Variants in ADAMTS17 observed in about 807,000 individuals in gnomAD.
The protein encoded by ADAMTS17 is ADAM metallopeptidase with thrombospondin type 1 motif 17, also known as A disintegrin and metalloproteinase with thrombospondin motifs 17.
In ADAMTS17, 113 loss-of-function variants were observed where a neutral mutation model predicts 141.5. That is an observed-to-expected ratio of 0.80 (90% CI 0.69 to 0.93). ADAMTS17 has a LOEUF of 0.93. Among genes scored for constraint, ADAMTS17 ranks in the 40% least tolerant of loss-of-function variants. The probability of loss-of-function intolerance (pLI) is 0.00; values close to 1 mark genes in which losing one functional copy is unlikely to be tolerated. For missense variants in ADAMTS17, 1,659 were observed against 1,517.9 expected, an observed-to-expected ratio of 1.09 and a Z score of -1.54; for synonymous variants, 768 against 630.6, an observed-to-expected ratio of 1.22 and a Z score of -3.27.
chr15:100,209,078 T>C, intron 7 of ADAMTS17, among the ~76,000 whole-genome samples: 1 of 114,428 alleles, frequency 8.7e-6, no homozygotes, highest in African/African-American at 3.4e-5. Context: ...ATGAATACAA[T>C]GCAAGGCCAT....
chr15:100,300,265 T>TCAAC (rs1470917671), intron 3 of ADAMTS17, among the ~76,000 whole-genome samples: 3 of 152,120 alleles, frequency 2.0e-5, no homozygotes, highest in Admixed American at 2.0e-4. Flanking sequence ...GAGAGAGTGC[T>TCAAC]CAACCAACCA....
intron 18 of ADAMTS17, among the ~76,000 whole-genome samples, chr15:100,037,320 A>G (rs2030820521): frequency 6.6e-6 from 1 of 152,108 alleles, no homozygotes; most frequent in Non-Finnish European, 1.5e-5. Context: ...TCTTTAGAGG[A>G]ATGTCTGTTC....
chr15:100,227,505 C>T, intron 7 of ADAMTS17, among the ~76,000 whole-genome samples: 1 of 152,248 alleles, frequency 6.6e-6, no homozygotes, highest in East Asian at 1.9e-4. Flanking sequence ...AGAGACGAGA[C>T]ACCATTGCTC....
chr15:100,007,386 TG>T (rs1435022969), intron 18 of ADAMTS17, among the ~76,000 whole-genome samples: 1 of 149,198 alleles, frequency 6.7e-6, no homozygotes, highest in Admixed American at 6.7e-5. Flanking sequence ...AAGGCAGTGG[TG>T]GCAAGGGGAC....
rs139462347 is a variant in ADAMTS17 at position 100,309,364 on chromosome 15, C to T, written c.616+21525G>A. Among the ~76,000 whole-genome samples, 121 of 152,280 alleles carry T rather than the reference C, an allele frequency of 7.9e-4. 1 individual carries two copies. In the Middle Eastern group the frequency reaches 0.014, roughly 17 times the overall value. On this transcript the variant is annotated intron_variant, in intron 3 of 21. Transcript: ENST00000268070. ...ACAGGGCGACACCCTGTCTCAAAAA[C>T]GCACAAAAAATGGAATGGCTATTCC...
At chr15:100,224,511 C>CA (rs200871189) in intron 7 of ADAMTS17, among the ~76,000 whole-genome samples, 2,749 of 152,156 alleles carry the variant, frequency 0.018, 97 homozygotes, top group African/African-American at 0.063. Flanking sequence ...AAAGAGAAAA[C>CA]AAAAAAACCT....
At chr15:100,168,317 T>C (rs766122902) in intron 8 of ADAMTS17, 10 of 152,076 alleles carry the variant, frequency 6.6e-5, no homozygotes, top group Non-Finnish European at 1.2e-4. Flanking sequence ...AGCTGAAGAG[T>C]ACAAAGTGCT....
At chr15:100,091,945 G>A (rs953480559) in intron 15 of ADAMTS17, among the ~76,000 whole-genome samples, 3 of 152,172 alleles carry the variant, frequency 2.0e-5, no homozygotes, top group Admixed American at 6.5e-5. Flanking sequence ...TGGGAAACCC[G>A]TGAGGCTAGA....
At chr15:99,992,644 G>T (rs2060712574) in intron 20 of ADAMTS17, among the ~76,000 whole-genome samples, 1 of 152,160 alleles carries the variant, frequency 6.6e-6, no homozygotes, top group African/African-American at 2.4e-5. Flanking sequence ...GCATCTCCAG[G>T]CCCTTGCCCA....
chr15:100,203,977 C>G (rs1293053373), intron 7 of ADAMTS17, among the ~76,000 whole-genome samples: 1 of 152,096 alleles, frequency 6.6e-6, no homozygotes, highest in Non-Finnish European at 1.5e-5. Context: ...GAAGAGGCTC[C>G]CATCCACTAG....
chr15:100,132,993 CA>C (rs1353008438), intron 11 of ADAMTS17, among the ~76,000 whole-genome samples: 1 of 152,124 alleles, frequency 6.6e-6, no homozygotes, highest in Non-Finnish European at 1.5e-5. Flanking sequence ...GTTAATCTAA[CA>C]AAAATATTAA....
intron 7 of ADAMTS17, among the ~76,000 whole-genome samples, chr15:100,228,989 A>T (rs2042394468): frequency 6.6e-6 from 1 of 152,160 alleles, no homozygotes; most frequent in Non-Finnish European, 1.5e-5. Context: ...CAGGGAGCAA[A>T]TTGGATCATT....
chr15:100,055,850 T>G (rs149940341), intron 15 of ADAMTS17, among the ~76,000 whole-genome samples: 377 of 152,310 alleles, frequency 2.5e-3, no homozygotes, highest in African/African-American at 8.7e-3. Context: ...CCCTCTGAAT[T>G]ATTGTCATCA....
chr15:100,206,099 G>T (rs943283392), intron 7 of ADAMTS17, among the ~76,000 whole-genome samples: 1 of 152,254 alleles, frequency 6.6e-6, no homozygotes, highest in Non-Finnish European at 1.5e-5. Context: ...GTGGCTCCCT[G>T]TGTGGGGAGC....
At chr15:100,238,051 T>C (rs2042712707) in intron 7 of ADAMTS17, among the ~76,000 whole-genome samples, 1 of 152,196 alleles carries the variant, frequency 6.6e-6, no homozygotes, top group East Asian at 1.9e-4. Flanking sequence ...GGTACCCAGC[T>C]TGCTCCCACT....
Position 100,231,082 on chromosome 15 carries a change from G to T in ADAMTS17, c.1075+23054C>A, listed in dbSNP as rs142156794. 7.9e-5 allele frequency among the ~76,000 whole-genome samples: 12 copies of T among 152,342 alleles called. No homozygotes were observed. The East Asian group carries it at 2.3e-3, about 29-fold the overall frequency. ...CACAGAGAGAGCGCCTGCACATCCT[G>T]GGAGGAAGATAATCCAAAGCAGTCT... On this transcript the variant is annotated intron_variant, in intron 7 of 21. Coordinates refer to ENST00000268070, the MANE Select transcript of ADAMTS17 (RefSeq NM_139057.4).
intron 3 of ADAMTS17, among the ~76,000 whole-genome samples, chr15:100,298,373 G>T (rs1434795759): frequency 6.6e-6 from 1 of 152,104 alleles, no homozygotes; most frequent in Non-Finnish European, 1.5e-5. Context: ...TACCAACTGG[G>T]AAAGGACAAC....
At position 99,997,668 on chromosome 15, in the gene ADAMTS17, G is replaced by A. The variant is rs1162852371; in HGVS notation, c.2592-79C>T. On this transcript the variant is annotated intron_variant, in intron 18 of 21. Coordinates refer to ENST00000268070, the MANE Select transcript of ADAMTS17 (RefSeq NM_139057.4). The surrounding 1 kb of genome is among the most constrained non-coding windows in gnomAD (Gnocchi z 4.7). Reference sequence around the variant, plus strand: ...CCGGAGGGCCTTCCGGCCGGATCCTGGAATTGCTGCCCTGTGGTGGGAGAG... The same window carrying A: ...CCGGAGGGCCTTCCGGCCGGATCCTAGAATTGCTGCCCTGTGGTGGGAGAG... 3.8e-6 allele frequency: 6 copies of A among 1,571,732 alleles called. No homozygotes were observed. The highest frequency in any genetic ancestry group is 2.7e-5 in the African/African-American group (2 of 74,132).
At chr15:100,298,340 G>C (rs1373367855) in intron 3 of ADAMTS17, among the ~76,000 whole-genome samples, 3 of 152,146 alleles carry the variant, frequency 2.0e-5, no homozygotes, top group Non-Finnish European at 4.4e-5. Context: ...CAGCCAGGAA[G>C]AACGAGGCTT....
Sources: gnomAD v4.1 joint callset for allele counts (sites outside exome capture counted in the v4.1 genomes callset) on GRCh38, gnomAD v4.1.1 for gene constraint, Gnocchi (gnomAD v3.1) non-coding constraint, MANE v1.5 for transcripts, NCBI Gene and HGNC (gene_info 2026-07-23, HGNC 2026-07-21) for gene names.